The following CLIC5 variants were observed in gnomAD, a reference collection of about 807,000 sequenced individuals.
CLIC5 encodes the protein CLIC family member 5, also known as chloride intracellular channel protein 5.
In CLIC5, 20 loss-of-function variants were observed where a neutral mutation model predicts 24.7. That is an observed-to-expected ratio of 0.81 (90% CI 0.57 to 1.18). The LOEUF (loss-of-function observed/expected upper bound fraction) is 1.18, where lower values mean the gene tolerates loss of function less well. Ranked by LOEUF, CLIC5 falls within the 50% of genes most tolerant of loss-of-function variation. CLIC5 has a pLI of 0.00. For synonymous variants in CLIC5, 159 were observed against 135.6 expected (o/e 1.17, Z -1.20); for missense variants, 341 against 326.1 (o/e 1.05, Z -0.35).
chr6:45,907,775 C>G (rs577850127), intron 5 of CLIC5, among the ~76,000 whole-genome samples: 1 of 151,978 alleles, frequency 6.6e-6, no homozygotes, highest in Non-Finnish European at 1.5e-5. Context: ...GTATACTGAA[C>G]CTTTACTGAA....
intron 1 of CLIC5, among the ~76,000 whole-genome samples, chr6:46,039,205 G>C (rs1767740771): frequency 6.6e-6 from 1 of 151,956 alleles, no homozygotes; most frequent in Admixed American, 6.6e-5. Context: ...GATTCTTCCA[G>C]AATAACATGA....
chr6:46,079,670 G>A, intron 1 of CLIC5: 1 of 1,510,872 alleles, frequency 6.6e-7, no homozygotes. Flanking sequence ...ATATCTGCAT[G>A]AACAGGGTAT....
the CLIC5 span, among the ~76,000 whole-genome samples, chr6:46,111,887 G>C: frequency 6.6e-6 from 1 of 152,136 alleles, no homozygotes; most frequent in Non-Finnish European, 1.5e-5. Flanking sequence ...GTTTTATAAA[G>C]AGAAGTTTCC....
chr6:46,127,531 C>T, the CLIC5 span, among the ~76,000 whole-genome samples: 3 of 152,090 alleles, frequency 2.0e-5, no homozygotes, highest in Admixed American at 2.0e-4. Context: ...ATTTTGCCTA[C>T]CTAAATAAAA....
intron 1 of CLIC5, among the ~76,000 whole-genome samples, chr6:46,011,071 C>T (rs535586357): frequency 1.3e-5 from 2 of 152,306 alleles, no homozygotes; most frequent in South Asian, 4.1e-4. Flanking sequence ...ACTTTTGGGC[C>T]ACTCAATAAA....
chr6:45,960,773 G>A (rs889822797), intron 1 of CLIC5, among the ~76,000 whole-genome samples: 2 of 152,168 alleles, frequency 1.3e-5, no homozygotes, highest in Admixed American at 1.3e-4. Context: ...ATGCTGTACC[G>A]ATGCTGATTG....
chr6:45,922,545 T>C (rs1372730592), intron 4 of CLIC5, among the ~76,000 whole-genome samples: 2 of 152,178 alleles, frequency 1.3e-5, no homozygotes, highest in South Asian at 2.1e-4. Flanking sequence ...GCAAGAGACT[T>C]TGGCCAGTAT....
At chr6:46,107,046 G>A in the CLIC5 span, among the ~76,000 whole-genome samples, 1 of 152,254 alleles carries the variant, frequency 6.6e-6, no homozygotes, top group Non-Finnish European at 1.5e-5. Flanking sequence ...AAATAAATGA[G>A]TGCTCATAAA....
chr6:46,129,331 T>C, the CLIC5 span, among the ~76,000 whole-genome samples: 15 of 152,234 alleles, frequency 9.9e-5, no homozygotes, highest in Non-Finnish European at 2.1e-4. Flanking sequence ...AACTGCTCTT[T>C]ATGTTGGAAA....
rs548775003 is a variant in CLIC5, at chr6:46,053,859, T to C, written c.540+25844A>G. On this transcript the variant is annotated intron_variant, in intron 1 of 5. Transcript: ENST00000185206. The stretch of plus-strand genomic sequence containing the variant: ...GTGTTGCCCTGAAGAGCCCTGTAAT[T>C]GAGATTTGACCATTTACAACCTCTG... Among the ~76,000 whole-genome samples, 12 of 152,254 alleles carry C rather than the reference T, an allele frequency of 7.9e-5. 1 individual carries two copies. The South Asian group carries it at 2.5e-3, about 32-fold the overall frequency.
At chr6:46,098,265 T>C in the CLIC5 span, among the ~76,000 whole-genome samples, 1 of 152,216 alleles carries the variant, frequency 6.6e-6, no homozygotes, top group Non-Finnish European at 1.5e-5. Context: ...CTTATCAAAG[T>C]GTGATGGGTC....
intron 1 of CLIC5, among the ~76,000 whole-genome samples, chr6:46,009,382 C>T (rs1166205807): frequency 1.3e-5 from 2 of 152,068 alleles, no homozygotes; most frequent in Non-Finnish European, 2.9e-5. Flanking sequence ...TGTCATTTAG[C>T]GAACTGGAAG....
intron 1 of CLIC5, among the ~76,000 whole-genome samples, chr6:46,000,751 G>C (rs946316966): frequency 6.6e-6 from 1 of 152,096 alleles, no homozygotes; most frequent in African/African-American, 2.4e-5. Flanking sequence ...TCACTATCAC[G>C]AGAACAGCAT....
chr6:46,019,938 A>C (rs1362101714), upstream of CLIC5, among the ~76,000 whole-genome samples: 1 of 151,988 alleles, frequency 6.6e-6, no homozygotes, highest in Non-Finnish European at 1.5e-5. Flanking sequence ...TAGCTGATGG[A>C]ACTGAAAGGA....
chr6:46,062,307 C>T (rs1442141780), intron 1 of CLIC5, among the ~76,000 whole-genome samples: 1 of 152,192 alleles, frequency 6.6e-6, no homozygotes, highest in Admixed American at 6.5e-5. Flanking sequence ...ACTTGTGGTT[C>T]AACTTTTAAC....
intron 1 of CLIC5, among the ~76,000 whole-genome samples, chr6:46,028,297 C>T (rs1378147861): frequency 6.6e-6 from 1 of 152,216 alleles, no homozygotes; most frequent in African/African-American, 2.4e-5. Flanking sequence ...AGAGATGCTG[C>T]ATGCCTGGCC....
At chr6:45,912,216 C>T (rs940005218) in intron 5 of CLIC5, 1 of 987,374 alleles carries the variant, frequency 1.0e-6, no homozygotes, top group Non-Finnish European at 1.2e-6. Flanking sequence ...TAGAGGTTTG[C>T]CAGGTTTCTG....
At position 45,932,293 on chromosome 6, in the gene CLIC5, G is replaced by A. The variant is rs1249872023; in HGVS notation, c.406+9254C>T. On this transcript the variant is annotated intron_variant, in intron 4 of 5. Transcript: ENST00000339561. The stretch of plus-strand genomic sequence containing the variant: ...CCAGCTAATTTTTGTATTTTTAGTA[G>A]AGACGGGGTTTCACCATGTTGGCCA... Among the ~76,000 whole-genome samples the A allele has an allele frequency of 2.0e-5, 3 of 152,014 alleles. No homozygotes were observed. The East Asian group carries it at 5.8e-4, about 30-fold the overall frequency.
intron 1 of CLIC5, among the ~76,000 whole-genome samples, chr6:46,031,624 G>A (rs1468872691): frequency 6.6e-6 from 1 of 151,884 alleles, no homozygotes; most frequent in Non-Finnish European, 1.5e-5. Context: ...GCCTTATAAT[G>A]GTCAAGAGGT....
Sources: allele counts gnomAD v4.1 joint callset (sites outside exome capture counted in the v4.1 genomes callset), GRCh38; gene constraint gnomAD v4.1.1; transcripts MANE v1.5; gene names NCBI Gene and HGNC (gene_info 2026-07-23, HGNC 2026-07-21).